ITGA9: variants seen among roughly 807,000 people sequenced by gnomAD.
ITGA9 encodes integrin alpha-9.
In ITGA9, 56 loss-of-function variants were observed where a neutral mutation model predicts 127.8. The observed-to-expected ratio is 0.44, with a 90% CI of 0.35 to 0.55. The LOEUF (loss-of-function observed/expected upper bound fraction) is 0.55. Ranked by LOEUF, ITGA9 falls within the 20% of genes least tolerant of loss-of-function variation. The pLI, the probability that ITGA9 is intolerant of heterozygous loss-of-function variation, is 0.00. For missense variants in ITGA9, 1,196 were observed against 1,347.1 expected (o/e 0.89, Z 1.76); for synonymous variants, 508 against 514.5 (o/e 0.99, Z 0.17).
intron 17 of ITGA9, among the ~76,000 whole-genome samples, chr3:37,663,851 G>A (rs904606929): frequency 3.9e-5 from 6 of 152,108 alleles, no homozygotes; most frequent in African/African-American, 1.4e-4. Context: ...CTGTGAAATG[G>A]GGAAAATAAC....
intron 18 of ITGA9, among the ~76,000 whole-genome samples, chr3:37,711,157 C>G (rs1701075817): frequency 6.6e-6 from 1 of 152,152 alleles, no homozygotes; most frequent in Non-Finnish European, 1.5e-5. Flanking sequence ...GCACTCAGGA[C>G]CAAGGACTGG....
chr3:37,531,446 G>C (rs1699151278), intron 13 of ITGA9, among the ~76,000 whole-genome samples: 1 of 152,220 alleles, frequency 6.6e-6, no homozygotes, highest in South Asian at 2.1e-4. Flanking sequence ...CCATTTCAAA[G>C]GATACTGTTT....
chr3:37,667,120 T>A (rs1195804591), intron 17 of ITGA9, among the ~76,000 whole-genome samples: 1 of 152,166 alleles, frequency 6.6e-6, no homozygotes, highest in East Asian at 1.9e-4. Context: ...GGATGATATC[T>A]CCTGTACCCG....
intron 26 of ITGA9, among the ~76,000 whole-genome samples, chr3:37,792,357 G>A (rs912041452): frequency 6.6e-5 from 10 of 152,326 alleles, no homozygotes; most frequent in African/African-American, 2.4e-4. Context: ...CAGCAAGGAC[G>A]CAAACAAGAA....
chr3:37,601,900 G>A (rs546042298), intron 15 of ITGA9, among the ~76,000 whole-genome samples: 5 of 152,308 alleles, frequency 3.3e-5, no homozygotes, highest in East Asian at 3.9e-4. Context: ...GGGTGAGGGC[G>A]TCAGGCTGAT....
At chr3:37,746,161 A>G (rs528898850) in intron 22 of ITGA9, among the ~76,000 whole-genome samples, 4 of 152,250 alleles carry the variant, frequency 2.6e-5, no homozygotes, top group Non-Finnish European at 5.9e-5. Context: ...GGCCAGGAAT[A>G]CGGAGAAAAT....
intron 14 of ITGA9, among the ~76,000 whole-genome samples, chr3:37,538,250 A>G (rs1699230640): frequency 6.6e-6 from 1 of 152,250 alleles, no homozygotes; most frequent in Non-Finnish European, 1.5e-5. Flanking sequence ...GACGGAGAGC[A>G]GGAATTAATC....
chr3:37,452,683 C>T lies in ITGA9; in HGVS notation c.185+124C>T. 1 of 837,056 alleles carries T rather than the reference C, an allele frequency of 1.2e-6. No homozygotes were observed. Among genetic ancestry groups the T allele is most frequent in the Non-Finnish European group, 1.7e-6 (1 of 601,928 alleles). The allele number at this position is 837,056 out of a possible 1,614,324, so 51.9% of individuals were successfully genotyped here. A position where few individuals can be genotyped will look rare whatever the true frequency, so the allele number is the denominator to read the frequency against. On this transcript the variant is annotated intron_variant, in intron 1 of 27. Coordinates refer to ENST00000264741, the MANE Select transcript of ITGA9 (RefSeq NM_002207.3). This position sits in a 1 kb window ranked among gnomAD's most constrained non-coding sequence, Gnocchi z 7.3. ...CGTCCCGAGGGGGCGATTTAAATGT[C>T]TCCGTTGCGCGCGGCTCGGCCGCCG... is the stretch of plus-strand genomic sequence containing the variant.
At chr3:37,741,483 CCTA>C (rs1368004019) in intron 20 of ITGA9, among the ~76,000 whole-genome samples, 1 of 152,232 alleles carries the variant, frequency 6.6e-6, no homozygotes, top group South Asian at 2.1e-4. Context: ...ACTCTCCAGT[CCTA>C]CTGGCATTTC....
intron 20 of ITGA9, among the ~76,000 whole-genome samples, chr3:37,739,130 C>T (rs1029847297): frequency 5.3e-5 from 8 of 152,150 alleles, no homozygotes; most frequent in Admixed American, 2.0e-4. Context: ...CATTTTCACT[C>T]AGTAAATATT....
intron 15 of ITGA9, among the ~76,000 whole-genome samples, chr3:37,573,497 C>A (rs193092638): frequency 6.6e-6 from 1 of 152,158 alleles, no homozygotes; most frequent in Non-Finnish European, 1.5e-5. Context: ...GAGCTAGAGT[C>A]CCCTGGGGTG....
chr3:37,783,843 A>G (rs1372525268), intron 25 of ITGA9, among the ~76,000 whole-genome samples: 2 of 152,214 alleles, frequency 1.3e-5, no homozygotes. Context: ...TAAGAAAAGA[A>G]TGATAATTGG....
chr3:37,657,305 G>C (rs1700488087), intron 17 of ITGA9, among the ~76,000 whole-genome samples: 1 of 152,148 alleles, frequency 6.6e-6, no homozygotes, highest in African/African-American at 2.4e-5. Context: ...ATTCAGTTGT[G>C]AATCCGCCTG....
chr3:37,622,907 G>T (rs1700141104), intron 15 of ITGA9, among the ~76,000 whole-genome samples: 1 of 151,950 alleles, frequency 6.6e-6, no homozygotes, highest in Non-Finnish European at 1.5e-5. Flanking sequence ...ATTATACAAG[G>T]TATATTTTAT....
At chr3:37,464,397 A>G (rs1698349192) in intron 1 of ITGA9, among the ~76,000 whole-genome samples, 2 of 151,930 alleles carry the variant, frequency 1.3e-5, no homozygotes, top group Admixed American at 6.6e-5. Flanking sequence ...TTGAGTGTCA[A>G]GGTGTTTGAC....
At chr3:37,530,900 C>T (rs958519100) in intron 13 of ITGA9, among the ~76,000 whole-genome samples, 18 of 151,624 alleles carry the variant, frequency 1.2e-4, no homozygotes, top group African/African-American at 3.9e-4. Flanking sequence ...TACAGGTGCC[C>T]GCCACCACAC....
intron 15 of ITGA9, among the ~76,000 whole-genome samples, chr3:37,596,254 T>C (rs1473499706): frequency 6.6e-6 from 1 of 152,186 alleles, no homozygotes; most frequent in African/African-American, 2.4e-5. Context: ...TGACCACTTA[T>C]TAGGACTTGA....
intron 23 of ITGA9, among the ~76,000 whole-genome samples, chr3:37,756,609 G>A (rs1215814016): frequency 6.6e-6 from 1 of 152,198 alleles, no homozygotes; most frequent in Non-Finnish European, 1.5e-5. Context: ...TTCCTCATCT[G>A]TAAAATGAAC....
rs200545266 is a variant in ITGA9, at chr3:37,548,089, TAGCTGTA to T, written c.1689+5505_1689+5511del. 8.0e-3 allele frequency among the ~76,000 whole-genome samples: 1,226 copies of T among 152,342 alleles called. 19 individuals carry two copies. The highest frequency in any genetic ancestry group is 0.028 in the African/African-American group (1,163 of 41,582). Reference sequence around the variant, plus strand: ...AGATTTTGGCAAATCGCACAAAATCTAGCTGTACCAGATGAAATACAACTCAGCAATA... The same window carrying T: ...AGATTTTGGCAAATCGCACAAAATCTCCAGATGAAATACAACTCAGCAATA... On this transcript the variant is annotated intron_variant, in intron 15 of 27. Transcript: ENST00000264741.
Sources: allele counts gnomAD v4.1 joint callset (sites outside exome capture counted in the v4.1 genomes callset), GRCh38; gene constraint gnomAD v4.1.1; non-coding constraint Gnocchi (gnomAD v3.1); transcripts MANE v1.5; gene names NCBI Gene and HGNC (gene_info 2026-07-23, HGNC 2026-07-21).